Variants in PREX1 observed in about 807,000 individuals in gnomAD.
The protein encoded by PREX1 is phosphatidylinositol-3,4,5-trisphosphate dependent Rac exchange factor 1.
PREX1 carries 41 observed loss-of-function variants against 198.3 expected under a neutral mutation model. The ratio of observed to expected loss-of-function variants is 0.21; its 90% CI spans 0.16 to 0.27. PREX1 has a LOEUF of 0.27. PREX1 is among the 10% of genes least tolerant of loss of function. The pLI is 1.00. For missense variants in PREX1, 1,620 were observed against 2,200.7 expected, an observed-to-expected ratio of 0.74 and a Z score of 5.28; for synonymous variants, 843 against 887.2, an observed-to-expected ratio of 0.95 and a Z score of 0.89.
intron 18 of PREX1, among the ~76,000 whole-genome samples, chr20:48,655,636 C>A (rs2089537163): frequency 6.6e-6 from 1 of 152,184 alleles, no homozygotes; most frequent in Non-Finnish European, 1.5e-5. Context: ...ACAGAAATTC[C>A]AGACCATCCT....
chr20:48,879,787 A>G, the PREX1 span, among the ~76,000 whole-genome samples: 1 of 152,254 alleles, frequency 6.6e-6, no homozygotes, highest in East Asian at 1.9e-4. Context: ...CAAAGCAGGC[A>G]TGGGCACCAG....
At position 48,734,636 on chromosome 20, in the gene PREX1, G is replaced by A. The variant is rs963105271; in HGVS notation, c.429C>T (p.Cys143=). The A allele has an allele frequency of 5.0e-6, 8 of 1,613,968 alleles. No homozygotes were observed. The highest frequency in any genetic ancestry group is 4.0e-5 in the African/African-American group (3 of 75,046). The change falls in exon 4 of 40, where the codon TGC becomes TGT. Residue 143 remains cysteine (C), a synonymous_variant. Transcript: ENST00000371941. ...GGTTGCTGCAATACTCCTCGTACAC[G>A]CAGAACTTGTCCTTCTGCAAGACAA... The part of the protein sequence containing the change: ...NVFLKFKDKF[C]VYEEYCSNHE...
At chr20:48,833,115 C>T in the PREX1 span, among the ~76,000 whole-genome samples, 1 of 152,204 alleles carries the variant, frequency 6.6e-6, no homozygotes, top group Non-Finnish European at 1.5e-5. Context: ...AGAGCTTCTA[C>T]CTCACAGCGT....
intron 1 of PREX1, among the ~76,000 whole-genome samples, chr20:48,807,819 C>A (rs963908172): frequency 6.6e-6 from 1 of 152,064 alleles, no homozygotes; most frequent in African/African-American, 2.4e-5. Flanking sequence ...GGTTTCTCAG[C>A]GGAAATGCAG....
At chr20:48,756,466 T>G (rs1479254400) in intron 1 of PREX1, among the ~76,000 whole-genome samples, 3 of 133,706 alleles carry the variant, frequency 2.2e-5, no homozygotes, top group African/African-American at 5.1e-5. Context: ...TGGGAAGAGA[T>G]AGCTTTTTTT....
intron 15 of PREX1, among the ~76,000 whole-genome samples, chr20:48,660,590 G>A (rs2089583503): frequency 6.6e-6 from 1 of 152,196 alleles, no homozygotes; most frequent in Non-Finnish European, 1.5e-5. Context: ...CTAAATATAG[G>A]ATGACATCTT....
chr20:48,776,910 C>T (rs755053804), intron 1 of PREX1, among the ~76,000 whole-genome samples: 2 of 152,156 alleles, frequency 1.3e-5, no homozygotes, highest in Non-Finnish European at 2.9e-5. Context: ...GGTAAAGCAT[C>T]ACACACAGCG....
At chr20:48,749,682 CA>C (rs2122789200) in intron 1 of PREX1, among the ~76,000 whole-genome samples, 1 of 152,290 alleles carries the variant, frequency 6.6e-6, no homozygotes, top group African/African-American at 2.4e-5. Flanking sequence ...CATGGCGAGT[CA>C]CAGAGGAAGG....
chr20:48,663,986 TG>T (rs2089616027), intron 15 of PREX1, among the ~76,000 whole-genome samples: 1 of 152,090 alleles, frequency 6.6e-6, no homozygotes. Context: ...GCACGGTGCC[TG>T]GAACACCAAA....
chr20:48,626,728 T>C (rs771062455), intron 39 of PREX1, among the ~76,000 whole-genome samples: 22 of 152,244 alleles, frequency 1.4e-4, no homozygotes, highest in Non-Finnish European at 2.4e-4. Context: ...GCCGGCGCTC[T>C]GTGGTTACGT....
chr20:48,650,986 T>C lies in PREX1; in HGVS notation c.2725A>G (p.Ser909Gly), dbSNP rs1430693300. 1 of 1,614,218 alleles carries C rather than the reference T, an allele frequency of 6.2e-7. No homozygotes were observed. The highest frequency in any genetic ancestry group is 1.7e-5 in the Admixed American group (1 of 60,020). ...ENCRRLMALS[S>G]AIVTMPHFEF... is the part of the protein sequence containing the mutation. ...AAGTGGGGCATGGTCACGATGGCGC[T>C]GCTCAGGGCCATGAGCCGCCTGCAG... Residue 909 changes from serine (S) to glycine (G), a missense_variant, in exon 23 of 40, where the codon AGC (serine) becomes GGC (glycine). This residue lies in a region of PREX1 where 514 missense variants were observed against 611.6 expected (regional missense o/e 0.84). Transcript: ENST00000371941.
At chr20:48,799,202 T>C (rs1468024139) in intron 1 of PREX1, among the ~76,000 whole-genome samples, 1 of 152,216 alleles carries the variant, frequency 6.6e-6, no homozygotes, top group African/African-American at 2.4e-5. Context: ...AGCATTTTAA[T>C]TTAAAATATA....
intron 1 of PREX1, among the ~76,000 whole-genome samples, chr20:48,798,122 G>A (rs1320720560): frequency 6.6e-6 from 1 of 152,172 alleles, no homozygotes; most frequent in African/African-American, 2.4e-5. Flanking sequence ...CCTCTGGAAT[G>A]TCCTCAAGTC....
At chr20:48,845,235 AT>A in the PREX1 span, among the ~76,000 whole-genome samples, 1 of 152,208 alleles carries the variant, frequency 6.6e-6, no homozygotes, top group Non-Finnish European at 1.5e-5. Flanking sequence ...TTAGAGGGAG[AT>A]ATTAAACAAT....
intron 7 of PREX1, among the ~76,000 whole-genome samples, chr20:48,699,001 T>G (rs1568829788): frequency 6.6e-6 from 1 of 152,114 alleles, no homozygotes; most frequent in East Asian, 1.9e-4. Context: ...CAAACACTAC[T>G]ACAAGGAGGG....
At chr20:48,662,832 G>C (rs2089607144) in intron 15 of PREX1, among the ~76,000 whole-genome samples, 1 of 152,208 alleles carries the variant, frequency 6.6e-6, no homozygotes, top group African/African-American at 2.4e-5. Context: ...CTCCCTGAGA[G>C]CCCTTGAGGA....
intron 32 of PREX1, 115 bp downstream of exon 32, chr20:48,636,348 G>A (rs78209478): frequency 1.1e-5 from 12 of 1,072,908 alleles, no homozygotes; most frequent in East Asian, 1.0e-4. Flanking sequence ...TAGCTGCTGC[G>A]GGAATGACGA....
At chr20:48,843,645 G>A in the PREX1 span, among the ~76,000 whole-genome samples, 14 of 152,170 alleles carry the variant, frequency 9.2e-5, no homozygotes, top group African/African-American at 2.7e-4. Context: ...TTTGCTCAGC[G>A]TGGCATGGAA....
intron 1 of PREX1, among the ~76,000 whole-genome samples, chr20:48,780,126 GT>G (rs1428148809): frequency 1.3e-5 from 2 of 152,206 alleles, no homozygotes. Flanking sequence ...GATTGTGTAA[GT>G]GTCTATACAT....
Sources: allele counts gnomAD v4.1 joint callset (sites outside exome capture counted in the v4.1 genomes callset), GRCh38; gene constraint gnomAD v4.1.1; regional missense constraint gnomAD v4.1.1; transcripts MANE v1.5; gene names NCBI Gene and HGNC (gene_info 2026-07-23, HGNC 2026-07-21).